The following SAMD5 variants were observed in gnomAD, a reference collection of about 807,000 sequenced individuals.
SAMD5 encodes sterile alpha motif domain-containing protein 5.
Under a neutral mutation model 11.3 loss-of-function variants are expected in SAMD5, and 13 were observed. The observed-to-expected ratio is 1.15, with a 90% CI of 0.75 to 1.83. The LOEUF (loss-of-function observed/expected upper bound fraction) is 1.83, where lower values mean the gene tolerates loss of function less well. SAMD5 is among the 40% of genes most tolerant of loss of function. SAMD5 has a pLI of 0.00. For missense variants in SAMD5, 255 were observed against 239.1 expected, an observed-to-expected ratio of 1.07 and a Z score of -0.44; for synonymous variants, 129 against 111.3, an observed-to-expected ratio of 1.16 and a Z score of -1.00.
the SAMD5 span, among the ~76,000 whole-genome samples, chr6:147,869,998 A>AT: frequency 6.6e-6 from 1 of 152,118 alleles, no homozygotes; most frequent in African/African-American, 2.4e-5. Context: ...TATAGATGTG[A>AT]GCCACCACGC....
the SAMD5 span, among the ~76,000 whole-genome samples, chr6:147,747,671 C>A: frequency 2.0e-5 from 3 of 151,928 alleles, no homozygotes; most frequent in African/African-American, 7.3e-5. Flanking sequence ...CTACCACGCC[C>A]GGCTAATTTT....
the SAMD5 span, among the ~76,000 whole-genome samples, chr6:147,791,072 A>G: frequency 1.3e-5 from 2 of 151,984 alleles, no homozygotes; most frequent in Admixed American, 6.6e-5. Context: ...GGGTGGGCGG[A>G]TCACTTGAGG....
chr6:147,942,323 T>C, the SAMD5 span, among the ~76,000 whole-genome samples: 38,485 of 152,144 alleles, frequency 0.25, 5,228 homozygotes, highest in African/African-American at 0.33. Context: ...TTGCGGAGAA[T>C]TAGCATTTCC....
intron 1 of SAMD5, among the ~76,000 whole-genome samples, chr6:147,619,691 T>G (rs1327282913): frequency 6.6e-6 from 1 of 152,112 alleles, no homozygotes; most frequent in Non-Finnish European, 1.5e-5. Flanking sequence ...AGGGGAAAGG[T>G]GTTAGCAGTA....
intron 1 of SAMD5, among the ~76,000 whole-genome samples, chr6:147,592,154 A>G (rs1238814526): frequency 2.0e-5 from 3 of 151,974 alleles, no homozygotes; most frequent in African/African-American, 7.3e-5. Context: ...CACCCAGGCA[A>G]TGTTTTTATT....
chr6:147,799,652 C>T, the SAMD5 span, among the ~76,000 whole-genome samples: 3 of 151,456 alleles, frequency 2.0e-5, no homozygotes, highest in African/African-American at 7.3e-5. Context: ...AGGATAATAT[C>T]CTGAAGAGTG....
chr6:147,850,558 T>A, the SAMD5 span, among the ~76,000 whole-genome samples: 1 of 152,208 alleles, frequency 6.6e-6, no homozygotes, highest in Non-Finnish European at 1.5e-5. Context: ...ACTTGTCAGT[T>A]ACACAATCCT....
At chr6:147,519,621 A>G (rs1788221377) in intron 1 of SAMD5, among the ~76,000 whole-genome samples, 1 of 152,178 alleles carries the variant, frequency 6.6e-6, no homozygotes, top group African/African-American at 2.4e-5. Flanking sequence ...GTTTATTTCA[A>G]ATTGACTGTT....
chr6:147,815,036 G>A, the SAMD5 span, among the ~76,000 whole-genome samples: 1 of 152,132 alleles, frequency 6.6e-6, no homozygotes, highest in Non-Finnish European at 1.5e-5. Flanking sequence ...GGGGCTGAGT[G>A]CCATCCAATA....
At chr6:147,531,155 GTT>G (rs59924294) in intron 1 of SAMD5, among the ~76,000 whole-genome samples, 16,394 of 143,638 alleles carry the variant, frequency 0.11, 1,503 homozygotes, top group African/African-American at 0.27. Flanking sequence ...AGTCTTAAAA[GTT>G]TTTTTTTTTT....
At chr6:147,530,893 T>C (rs748103839) in intron 1 of SAMD5, among the ~76,000 whole-genome samples, 1 of 152,216 alleles carries the variant, frequency 6.6e-6, no homozygotes, top group African/African-American at 2.4e-5. Flanking sequence ...ACCTATAAAA[T>C]TGTGGAACAC....
intron 1 of SAMD5, among the ~76,000 whole-genome samples, chr6:147,613,899 A>G (rs1351502816): frequency 2.6e-5 from 4 of 151,928 alleles, no homozygotes; most frequent in Non-Finnish European, 5.9e-5. Context: ...CCAAGTCTCT[A>G]TCGGTCTGTG....
the SAMD5 span, among the ~76,000 whole-genome samples, chr6:147,857,341 CA>C: frequency 0.23 from 30,630 of 134,990 alleles, 3,499 homozygotes; most frequent in African/African-American, 0.31. Flanking sequence ...CTGTCTGTAC[CA>C]AAAAAAAAAA....
chr6:147,681,590 T>TA (rs1277147162), intron 1 of SAMD5, among the ~76,000 whole-genome samples: 1 of 152,212 alleles, frequency 6.6e-6, no homozygotes, highest in Non-Finnish European at 1.5e-5. Flanking sequence ...ACATGCCTGG[T>TA]AAATATTTTA....
the SAMD5 span, among the ~76,000 whole-genome samples, chr6:147,896,738 CAAA>C: frequency 1.8e-5 from 1 of 55,322 alleles, no homozygotes; most frequent in Non-Finnish European, 3.4e-5. Context: ...GAACATTAAC[CAAA>C]AAAAAAAAAA....
At chr6:147,531,324 T>C (rs529545095) in intron 1 of SAMD5, among the ~76,000 whole-genome samples, 1 of 152,368 alleles carries the variant, frequency 6.6e-6, no homozygotes, top group Non-Finnish European at 1.5e-5. Flanking sequence ...TAATCAGTTA[T>C]GATTATGTAA....
chr6:147,865,582 T>A, the SAMD5 span, among the ~76,000 whole-genome samples: 1 of 152,172 alleles, frequency 6.6e-6, no homozygotes, highest in African/African-American at 2.4e-5. Context: ...AATTAATGAA[T>A]GCATGAATGA....
At chr6:147,580,825 T>TC (rs1185190973) in intron 1 of SAMD5, among the ~76,000 whole-genome samples, 1 of 151,982 alleles carries the variant, frequency 6.6e-6, no homozygotes, top group Non-Finnish European at 1.5e-5. Flanking sequence ...GATTTTTTTT[T>TC]TTTAATTCTC....
intron 1 of SAMD5, among the ~76,000 whole-genome samples, chr6:147,665,826 CA>C (rs1174104936): frequency 6.6e-6 from 1 of 152,200 alleles, no homozygotes; most frequent in Non-Finnish European, 1.5e-5. Context: ...ATTAATTCAA[CA>C]GTGTTTTCAA....
Sources: gnomAD v4.1 joint callset for allele counts (sites outside exome capture counted in the v4.1 genomes callset) on GRCh38, gnomAD v4.1.1 for gene constraint, MANE v1.5 for transcripts, NCBI Gene and HGNC (gene_info 2026-07-23, HGNC 2026-07-21) for gene names.